The following WDR36 variants were observed in gnomAD, a reference collection of about 807,000 sequenced individuals.
The protein encoded by WDR36 is WD repeat domain 36.
In WDR36, 63 loss-of-function variants were observed where a neutral mutation model predicts 112.7. The ratio of observed to expected loss-of-function variants is 0.56; its 90% CI spans 0.46 to 0.69. The LOEUF is 0.69. WDR36 is among the 30% of genes least tolerant of loss of function. The pLI, the probability that WDR36 is intolerant of heterozygous loss-of-function variation, is 0.00. For synonymous variants in WDR36, 410 were observed against 362.2 expected, an observed-to-expected ratio of 1.13 and a Z score of -1.50; for missense variants, 1,226 against 1,070.3, an observed-to-expected ratio of 1.15 and a Z score of -2.03.
chr5:111,113,237 G>A, intron 16 of WDR36, 84 bp downstream of exon 16: 2 of 762,864 alleles, frequency 2.6e-6, no homozygotes, highest in South Asian at 2.8e-5. Flanking sequence ...ATAGTTAATG[G>A]GTTATATGCT....
chr5:111,119,005 T>G lies in WDR36; in HGVS notation c.1797-8T>G. ...CAAATACTTTTAACATGTTAATTAT[T>G]TCTGTAGCCTTATAGACTGCTTTTT... On this transcript the variant is annotated splice_region_variant and splice_polypyrimidine_tract_variant and intron_variant, in intron 16 of 22. Transcript: ENST00000513710. 6.2e-7 allele frequency: 1 copy of G among 1,603,872 alleles called. No individual in the cohort carries two copies. The highest frequency in any genetic ancestry group is 8.5e-7 in the Non-Finnish European group (1 of 1,170,928).
At position 111,113,145 on chromosome 5, in the gene WDR36, T is replaced by G; in HGVS notation, c.1788T>G (p.Pro596=). 1 of 1,585,864 alleles carries G rather than the reference T, an allele frequency of 6.3e-7. No homozygotes were observed. The highest frequency in any genetic ancestry group is 8.6e-7 in the Non-Finnish European group (1 of 1,160,782). The change falls in exon 16 of 23, where the codon CCT becomes CCG. Residue 596 remains proline, a synonymous_variant. Coordinates refer to ENST00000513710, the MANE Select transcript of WDR36 (RefSeq NM_139281.3). ...MDCSIRTWDL[P]SGCLIDCFLL... Reference sequence around the variant, plus strand: ...GCTCTATTAGGACTTGGGACCTTCCTTCTGGGTGGTAAGTTTATATTTCTA... The same window carrying G: ...GCTCTATTAGGACTTGGGACCTTCCGTCTGGGTGGTAAGTTTATATTTCTA...
At chr5:111,112,127 A>T (rs976337216) in intron 15 of WDR36, among the ~76,000 whole-genome samples, 3 of 151,968 alleles carry the variant, frequency 2.0e-5, no homozygotes, top group Admixed American at 2.0e-4. Flanking sequence ...TGTAGAAATG[A>T]GGGTGGGATT....
chr5:111,102,789 G>T (rs1422754895), intron 6 of WDR36, among the ~76,000 whole-genome samples: 2 of 151,534 alleles, frequency 1.3e-5, no homozygotes, highest in Non-Finnish European at 3.0e-5. Flanking sequence ...GAAGTAATTG[G>T]AGCCAAAATC....
chr5:111,113,048 ATATATTTTTTTT>A lies in WDR36; in HGVS notation c.1717-24_1717-13del. On this transcript the variant is annotated splice_polypyrimidine_tract_variant and intron_variant, in intron 15 of 22. Transcript: ENST00000513710. ...TTATATATAAATAATATATATATAT[ATATATTTTTTTT>A]TTTTAATTTAAAGGCTTTTAGTCCT... is the stretch of plus-strand genomic sequence containing the variant. 2.2e-6 allele frequency: 1 copy of A among 458,074 alleles called. No individual in the cohort carries two copies. The highest frequency in any genetic ancestry group is 3.1e-6 in the Non-Finnish European group (1 of 322,442). The allele number at this position is 458,074 out of a possible 1,614,324, so 28.4% of individuals were successfully genotyped here. A position where few individuals can be genotyped will look rare whatever the true frequency, so the allele number is the denominator to read the frequency against.
At chr5:111,105,241 A>G in intron 9 of WDR36, 54 bp from the exon 10 acceptor site, 2 of 1,533,032 alleles carry the variant, frequency 1.3e-6, no homozygotes, top group Non-Finnish European at 9.0e-7. Context: ...TGTGATTCAC[A>G]TAGTCCCTTG....
chr5:111,096,900 A>G lies in WDR36; in HGVS notation c.191-179A>G, dbSNP rs1752998148. The G allele has an allele frequency of 1.9e-5, 10 of 516,666 alleles. No individual in the cohort carries two copies. In the South Asian group the frequency reaches 2.4e-4, roughly 13 times the overall value. 32.0% of individuals were successfully genotyped at this position (516,666 alleles called of 1,614,324 possible). ...AAGGTGATTTCCTATCCTTAGTTTGATAGTTACTATTAGATATCTAAAATA... is the reference window on the plus strand; with the variant it reads ...AAGGTGATTTCCTATCCTTAGTTTGGTAGTTACTATTAGATATCTAAAATA... On this transcript the variant is annotated intron_variant, in intron 2 of 22. Transcript: ENST00000513710.
At chr5:111,093,937 G>A (rs1029203105) in intron 1 of WDR36, among the ~76,000 whole-genome samples, 1 of 152,036 alleles carries the variant, frequency 6.6e-6, no homozygotes, top group Admixed American at 6.5e-5. Flanking sequence ...TAACATCATG[G>A]CATGTAAATG....
chr5:111,104,601 C>G (rs1289647947), intron 8 of WDR36, 96 bp from the exon 9 acceptor site: 5 of 1,582,384 alleles, frequency 3.2e-6, no homozygotes, highest in African/African-American at 2.7e-5. Flanking sequence ...TTAGCAAGCA[C>G]TACTCAATAC....
chr5:111,103,547 G>C (rs1357888355), intron 6 of WDR36, among the ~76,000 whole-genome samples: 3 of 151,730 alleles, frequency 2.0e-5, no homozygotes, highest in Non-Finnish European at 4.4e-5. Flanking sequence ...TTGGGAATGA[G>C]GATGGGATGT....
At chr5:111,101,279 G>A (rs1396913568) in intron 5 of WDR36, among the ~76,000 whole-genome samples, 1 of 151,844 alleles carries the variant, frequency 6.6e-6, no homozygotes, top group Non-Finnish European at 1.5e-5. Flanking sequence ...ATGTACTAAT[G>A]ACCTAATAAC....
intron 12 of WDR36, among the ~76,000 whole-genome samples, chr5:111,109,096 A>G (rs561356445): frequency 1.3e-5 from 2 of 151,526 alleles, no homozygotes; most frequent in Admixed American, 1.3e-4. Flanking sequence ...AGAGAATGCC[A>G]GGAGCAGGCC....
Position 111,119,069 on chromosome 5 carries a change from C to T in WDR36, c.1853C>T (p.Thr618Ile). 6.2e-7 allele frequency: 1 copy of T among 1,613,626 alleles called. No individual in the cohort carries two copies. The highest frequency in any genetic ancestry group is 1.3e-5 in the African/African-American group (1 of 75,016). The change falls in exon 17 of 23, where the codon ACT (threonine) becomes ATT (isoleucine). Residue 618 changes from threonine (T) to isoleucine (I), a missense_variant. Coordinates refer to ENST00000513710, the MANE Select transcript of WDR36 (RefSeq NM_139281.3). The part of the protein sequence containing the change: ...SAPLNVSMSP[T>I]GDFLATSHVD... ...CCTCTCAATGTTTCTATGTCTCCTA[C>T]TGGAGACTTTCTGGCAACTTCCCAT...
chr5:111,101,916 C>T (rs1238581539), intron 5 of WDR36, among the ~76,000 whole-genome samples: 1 of 151,692 alleles, frequency 6.6e-6, no homozygotes, highest in Non-Finnish European at 1.5e-5. Flanking sequence ...ATTTATCATT[C>T]ATGACTTGCT....
intron 17 of WDR36, among the ~76,000 whole-genome samples, chr5:111,120,262 GTCTT>G: frequency 6.6e-6 from 1 of 152,196 alleles, no homozygotes; most frequent in Non-Finnish European, 1.5e-5. Flanking sequence ...CTACTGGTCT[GTCTT>G]TAATATGTTT....
intron 11 of WDR36, among the ~76,000 whole-genome samples, chr5:111,106,541 T>G (rs2112574417): frequency 6.6e-6 from 1 of 151,564 alleles, no homozygotes; most frequent in Non-Finnish European, 1.5e-5. Context: ...TGTGCCACTT[T>G]CAAAGAAGTG....
At chr5:111,115,766 A>G (rs1753442784) in intron 16 of WDR36, among the ~76,000 whole-genome samples, 1 of 152,202 alleles carries the variant, frequency 6.6e-6, no homozygotes, top group Non-Finnish European at 1.5e-5. Flanking sequence ...AACAAATTGC[A>G]TGGGTATTAA....
In WDR36 at chr5:111,110,244, C is replaced by T; in HGVS notation, c.1382C>T (p.Thr461Ile). Residue 461 changes from threonine (T) to isoleucine (I), a missense_variant, in exon 13 of 23, where the codon ACT becomes ATT. Transcript: ENST00000513710. ...GCTGTAATTGGCCTCTCATCAGGAACTGTAGATGTATATAACATGCAGTCT... is the reference window on the plus strand; with the variant it reads ...GCTGTAATTGGCCTCTCATCAGGAATTGTAGATGTATATAACATGCAGTCT... Reference protein sequence around the residue: ...NFAVIGLSSGTVDVYNMQSGI... With the variant: ...NFAVIGLSSGIVDVYNMQSGI... The T allele has an allele frequency of 6.2e-7, 1 of 1,610,934 alleles. No homozygotes were observed. Among genetic ancestry groups the T allele is most frequent in the Non-Finnish European group, 8.5e-7 (1 of 1,177,720 alleles).
chr5:111,128,637 C>G lies in WDR36; in HGVS notation c.*1754C>G, dbSNP rs1233190900. ...GAAATCATGAACCGAATTTTCTTCT[C>G]TTTTTAAAGTGAGCATAAAGACTTA... is the stretch of plus-strand genomic sequence containing the variant. On this transcript the variant is annotated 3_prime_UTR_variant, in exon 23 of 23. Transcript: ENST00000513710. 4 of 181,462 alleles carry G rather than the reference C, an allele frequency of 2.2e-5. No homozygotes were observed. In the Admixed American group the frequency reaches 2.5e-4, roughly 11 times the overall value. The allele number at this position is 181,462 out of a possible 1,614,324, so 11.2% of individuals were successfully genotyped here. A position where few individuals can be genotyped will look rare whatever the true frequency, so the allele number is the denominator to read the frequency against.
Sources: gnomAD v4.1 joint callset for allele counts (sites outside exome capture counted in the v4.1 genomes callset) on GRCh38, gnomAD v4.1.1 for gene constraint, MANE v1.5 for transcripts, NCBI Gene and HGNC (gene_info 2026-07-23, HGNC 2026-07-21) for gene names.